AKNAD1: variants seen among roughly 807,000 people sequenced by gnomAD.
The protein encoded by AKNAD1 is protein AKNAD1.
AKNAD1 carries 67 observed loss-of-function variants against 90.8 expected under a neutral mutation model. The observed-to-expected ratio is 0.74, with a 90% CI of 0.61 to 0.90. AKNAD1 has a LOEUF of 0.90. Among genes scored for constraint, AKNAD1 ranks in the 40% least tolerant of loss-of-function variants. AKNAD1 has a pLI of 0.00. For synonymous variants in AKNAD1, 327 were observed against 341.4 expected, an observed-to-expected ratio of 0.96 and a Z score of 0.46; for missense variants, 957 against 975.4, an observed-to-expected ratio of 0.98 and a Z score of 0.25.
chr1:108,830,198 C>T (rs1165729006), intron 10 of AKNAD1, among the ~76,000 whole-genome samples: 1 of 152,138 alleles, frequency 6.6e-6, no homozygotes, highest in Non-Finnish European at 1.5e-5. Context: ...ACAGGACCAC[C>T]CTCCGTGGGC....
intron 5 of AKNAD1, among the ~76,000 whole-genome samples, chr1:108,843,717 G>A (rs1366043099): frequency 6.6e-6 from 1 of 152,172 alleles, no homozygotes; most frequent in Non-Finnish European, 1.5e-5. Context: ...TATGTCTGAA[G>A]GCACATAGAT....
At chr1:108,827,380 C>T in intron 10 of AKNAD1, 78 bp from the exon 11 acceptor site, 3 of 1,131,210 alleles carry the variant, frequency 2.7e-6, no homozygotes, top group African/African-American at 3.1e-5. Flanking sequence ...AAAGTTGAAA[C>T]GTTAAATTTT....
At chr1:108,827,152 C>A in intron 11 of AKNAD1, 53 bp downstream of exon 11, 1 of 1,372,508 alleles carries the variant, frequency 7.3e-7, no homozygotes, top group Non-Finnish European at 1.0e-6. Flanking sequence ...CGAGCAGACC[C>A]CATGGGGAGG....
intron 5 of AKNAD1, 40 bp from the exon 6 acceptor site, chr1:108,843,307 C>T: frequency 6.2e-7 from 1 of 1,607,912 alleles, no homozygotes; most frequent in Non-Finnish European, 8.5e-7. Flanking sequence ...ACATGCAAGC[C>T]TGTGTGTGTA....
Position 108,852,171 on chromosome 1 carries a change from G to A in AKNAD1, c.494C>T (p.Thr165Ile), listed in dbSNP as rs140527469. ...GTTGAGTTGGTCAGTGAGTTCTGGGGTTTGTTCTTTTGGCCAAGAATTCTT... is the reference window on the plus strand; with the variant it reads ...GTTGAGTTGGTCAGTGAGTTCTGGGATTTGTTCTTTTGGCCAAGAATTCTT... The part of the protein sequence containing the change: ...YNKNSWPKEQ[T>I]PELTDQLNPK... The change falls in exon 2 of 16, where the codon ACC (threonine) becomes ATC (isoleucine). Residue 165 changes from threonine (T) to isoleucine (I), a missense_variant. Thr to Ile is a moderately conservative substitution (Grantham distance 89, BLOSUM62 -1). Transcript: ENST00000370001. 1.4e-4 allele frequency: 225 copies of A among 1,613,964 alleles called. 1 individual carries two copies. In the Middle Eastern group the frequency reaches 1.6e-3, roughly 12 times the overall value.
At position 108,837,708 on chromosome 1, in the gene AKNAD1, T is replaced by C; in HGVS notation, c.1380-2A>G. On this transcript the variant is annotated splice_acceptor_variant, in intron 6 of 15. Coordinates refer to ENST00000370001, the MANE Select transcript of AKNAD1 (RefSeq NM_152763.5). LOFTEE classifies it high-confidence loss of function. ...TTGAAGATTTCACCTTCCACTTTTC[T>C]AAGTAAACATAAACACACAGGCATC... 1 of 1,614,070 alleles carries C rather than the reference T, an allele frequency of 6.2e-7. No individual in the cohort carries two copies.
At position 108,843,386 on chromosome 1, in the gene AKNAD1, C is replaced by A. The variant is rs1021277292; in HGVS notation, c.1246-119G>T. 4.8e-6 allele frequency: 6 copies of A among 1,252,234 alleles called. No individual in the cohort carries two copies. The African/African-American group carries it at 9.0e-5, about 19-fold the overall frequency. 77.6% of individuals were successfully genotyped at this position (1,252,234 alleles called of 1,614,324 possible). ...GTCAAAACAAAGCTGCCATCCTTCTCCCAGCAGCATAAATTGTTTTGTCTC... is the reference window on the plus strand; with the variant it reads ...GTCAAAACAAAGCTGCCATCCTTCTACCAGCAGCATAAATTGTTTTGTCTC... On this transcript the variant is annotated intron_variant, in intron 5 of 15. Coordinates refer to ENST00000370001, the MANE Select transcript of AKNAD1 (RefSeq NM_152763.5).
At chr1:108,823,253 C>T in intron 13 of AKNAD1, 117 bp downstream of exon 13, 1 of 850,892 alleles carries the variant, frequency 1.2e-6, no homozygotes. Flanking sequence ...ACCTGGGCAG[C>T]AAAATGGAGA....
At chr1:108,834,698 C>T (rs990279548) in intron 8 of AKNAD1, among the ~76,000 whole-genome samples, 170 bp from the exon 9 acceptor site, 3 of 151,946 alleles carry the variant, frequency 2.0e-5, no homozygotes, top group African/African-American at 2.4e-5. Context: ...CACCTCTCCC[C>T]GCGTCCCCCA....
intron 11 of AKNAD1, among the ~76,000 whole-genome samples, chr1:108,824,087 A>G (rs1663913319): frequency 6.6e-6 from 1 of 152,156 alleles, no homozygotes; most frequent in Admixed American, 6.5e-5. Context: ...AAGAGCTTGT[A>G]TTTTGTCATC....
chr1:108,823,490 G>C lies in AKNAD1; in HGVS notation c.2060-13C>G, dbSNP rs771636516. The C allele has an allele frequency of 1.2e-6, 2 of 1,612,002 alleles. No individual in the cohort carries two copies. Among genetic ancestry groups the C allele is most frequent in the Non-Finnish European group, 8.5e-7 (1 of 1,178,060 alleles). On this transcript the variant is annotated splice_polypyrimidine_tract_variant and intron_variant, in intron 12 of 15. Transcript: ENST00000370001. ...CTATAATGAAATTCTGGGAAGAAAA[G>C]ATTAAAAATACAGTTAATTGCCTGG...
intron 10 of AKNAD1, among the ~76,000 whole-genome samples, chr1:108,827,883 T>A (rs1244719790): frequency 1.3e-5 from 2 of 151,450 alleles, no homozygotes; most frequent in African/African-American, 4.8e-5. Flanking sequence ...GGTTAATATC[T>A]AATCATCACA....
intron 5 of AKNAD1, among the ~76,000 whole-genome samples, chr1:108,844,677 T>C (rs368900995): frequency 6.6e-6 from 1 of 152,120 alleles, no homozygotes. Context: ...CATTGTATGA[T>C]TTTAGTAAAC....
chr1:108,816,961 T>C, intron 15 of AKNAD1, 87 bp downstream of exon 15: 1 of 1,507,296 alleles, frequency 6.6e-7, no homozygotes, highest in Non-Finnish European at 9.0e-7. Flanking sequence ...TCTGATACTG[T>C]AATAACTTAA....
chr1:108,842,451 G>A (rs1405692489), intron 6 of AKNAD1, among the ~76,000 whole-genome samples: 1 of 152,172 alleles, frequency 6.6e-6, no homozygotes, highest in African/African-American at 2.4e-5. Flanking sequence ...GGAGAATACA[G>A]TGCCATAAAA....
At chr1:108,847,394 G>C (rs1214571815) in intron 5 of AKNAD1, among the ~76,000 whole-genome samples, 1 of 150,834 alleles carries the variant, frequency 6.6e-6, no homozygotes, top group African/African-American at 2.4e-5. Context: ...GTTGCAGTGA[G>C]CTGAGATCAC....
chr1:108,839,471 T>TAAAAAAAAAAAAGAAAAAAAAA lies in AKNAD1; in HGVS notation c.1380-1766_1380-1765insTTTTTTTTTCTTTTTTTTTTTT, dbSNP rs3044857. Among the ~76,000 whole-genome samples the TAAAAAAAAAAAAGAAAAAAAAA allele has an allele frequency of 6.3e-4, 79 of 126,128 alleles. 1 individual carries two copies. Among genetic ancestry groups the TAAAAAAAAAAAAGAAAAAAAAA allele is most frequent in the African/African-American group, 2.6e-3 (77 of 29,256 alleles). The allele number at this position is 126,128 out of a possible 152,430, so 82.7% of individuals were successfully genotyped here. A position where few individuals can be genotyped will look rare whatever the true frequency, so the allele number is the denominator to read the frequency against. On this transcript the variant is annotated intron_variant, in intron 6 of 15. Transcript: ENST00000370001. ...CTGGAGGAGCGAGACTCCGTCTCAA[T>TAAAAAAAAAAAAGAAAAAAAAA]AAAAAAAAAAAGAAAAGGGAAAATT...
chr1:108,849,602 G>C, intron 2 of AKNAD1, 26 bp from the exon 3 acceptor site: 1 of 1,548,618 alleles, frequency 6.5e-7, no homozygotes, highest in Non-Finnish European at 8.9e-7. Flanking sequence ...GTAAGAAAAC[G>C]TTACTGTCGA....
At chr1:108,834,589 G>A in intron 8 of AKNAD1, 61 bp from the exon 9 acceptor site, 1 of 1,470,558 alleles carries the variant, frequency 6.8e-7, no homozygotes, top group African/African-American at 1.4e-5. Flanking sequence ...CTACCTGGGA[G>A]CTCCACTATT....
Sources: gnomAD v4.1 joint callset for allele counts (sites outside exome capture counted in the v4.1 genomes callset) on GRCh38, gnomAD v4.1.1 for gene constraint, MANE v1.5 for transcripts, NCBI Gene and HGNC (gene_info 2026-07-23, HGNC 2026-07-21) for gene names.